Variants in DLGAP2 observed in about 807,000 individuals in gnomAD.
DLGAP2 encodes DLG associated protein 2, also known as disks large-associated protein 2.
In DLGAP2, 26 loss-of-function variants were observed where a neutral mutation model predicts 100.3. That is an observed-to-expected ratio of 0.26 (90% CI 0.19 to 0.36). DLGAP2 has a LOEUF of 0.36. Among genes scored for constraint, DLGAP2 ranks in the 10% least tolerant of loss-of-function variants. The pLI is 1.00. For missense variants in DLGAP2, 1,858 were observed against 1,453.2 expected, an observed-to-expected ratio of 1.28 and a Z score of -4.53; for synonymous variants, 886 against 630.1, an observed-to-expected ratio of 1.41 and a Z score of -6.08.
chr8:1,358,677 A>G (rs1801909679), intron 3 of DLGAP2, among the ~76,000 whole-genome samples: 1 of 152,104 alleles, frequency 6.6e-6, no homozygotes, highest in Non-Finnish European at 1.5e-5. Flanking sequence ...TGATGGGCAA[A>G]GTGTCTTTAG....
chr8:1,164,791 T>C (rs552545442), intron 2 of DLGAP2, among the ~76,000 whole-genome samples: 5 of 152,308 alleles, frequency 3.3e-5, no homozygotes, highest in African/African-American at 1.2e-4. Context: ...AGCTTCCGAC[T>C]GCTGCGTGTG....
intron 3 of DLGAP2, among the ~76,000 whole-genome samples, chr8:1,418,687 C>G (rs1249548846): frequency 1.3e-5 from 2 of 152,160 alleles, no homozygotes; most frequent in Admixed American, 6.5e-5. Flanking sequence ...ATACTTCTGG[C>G]CACCAAATGT....
intron 3 of DLGAP2, among the ~76,000 whole-genome samples, chr8:1,383,050 C>T (rs921823262): frequency 6.6e-5 from 10 of 152,146 alleles, no homozygotes; most frequent in African/African-American, 2.4e-4. Flanking sequence ...ATCGAAGGAT[C>T]TTTGGACGTA....
chr8:1,591,970 G>T (rs1007573727), intron 6 of DLGAP2, among the ~76,000 whole-genome samples: 2 of 152,200 alleles, frequency 1.3e-5, no homozygotes, highest in Non-Finnish European at 2.9e-5. Context: ...ACAGGCCTTG[G>T]AAATCCGAGC....
intron 1 of DLGAP2, among the ~76,000 whole-genome samples, chr8:797,078 A>G (rs1343091669): frequency 6.6e-6 from 1 of 152,186 alleles, no homozygotes; most frequent in African/African-American, 2.4e-5. Flanking sequence ...TTTATTAAGG[A>G]GTAACTTTTA....
rs923068092 is a variant in DLGAP2 at position 1,558,005 on chromosome 8, C to G, written c.1231-7678C>G. On this transcript the variant is annotated intron_variant, in intron 5 of 14. Coordinates refer to ENST00000637795, the MANE Select transcript of DLGAP2 (RefSeq NM_001346810.2). ...GGGTGTGGGGAAGGCAGCTTTCTCC[C>G]GCTGAATGGCTGAGGGCATGCCCTG... Among the ~76,000 whole-genome samples the G allele has an allele frequency of 5.3e-5, 8 of 152,218 alleles. No homozygotes were observed. The East Asian group carries it at 1.5e-3, about 29-fold the overall frequency.
intron 2 of DLGAP2, among the ~76,000 whole-genome samples, chr8:1,031,213 A>G (rs1204760896): frequency 1.3e-5 from 2 of 152,022 alleles, no homozygotes; most frequent in Non-Finnish European, 2.9e-5. Context: ...TTATGGAAGA[A>G]TCCCAGGGTG....
In DLGAP2 at chr8:1,137,163, C is replaced by G. The variant is rs1265175911; in HGVS notation, c.74-121688C>G. 2 of 152,394 alleles carry G rather than the reference C, an allele frequency of 1.3e-5. 1 individual carries two copies. The highest frequency in any genetic ancestry group is 2.9e-5 in the Non-Finnish European group (2 of 68,182). The allele number at this position is 152,394 out of a possible 1,614,324, so 9.4% of individuals were successfully genotyped here. A position where few individuals can be genotyped will look rare whatever the true frequency, so the allele number is the denominator to read the frequency against. ...GTGGCCTCCTCCTTGTGGCCTCCTC[C>G]CTGTGTGCCGGGGCCTCCCCTCTGT... On this transcript the variant is annotated intron_variant, in intron 2 of 14. Coordinates refer to ENST00000637795, the MANE Select transcript of DLGAP2 (RefSeq NM_001346810.2).
intron 1 of DLGAP2, among the ~76,000 whole-genome samples, chr8:820,379 G>T (rs1796561641): frequency 1.3e-5 from 2 of 152,228 alleles, no homozygotes; most frequent in South Asian, 4.1e-4. Flanking sequence ...CTAAACTGTT[G>T]AAAGATATCA....
At chr8:1,355,396 G>A (rs550493253) in intron 3 of DLGAP2, among the ~76,000 whole-genome samples, 1 of 151,982 alleles carries the variant, frequency 6.6e-6, no homozygotes, top group Non-Finnish European at 1.5e-5. Flanking sequence ...ATGGAGTCTC[G>A]CTCTGTCACC....
intron 8 of DLGAP2, among the ~76,000 whole-genome samples, 184 bp downstream of exon 8, chr8:1,633,230 C>A (rs1030245193): frequency 6.6e-6 from 1 of 152,144 alleles, no homozygotes; most frequent in African/African-American, 2.4e-5. Context: ...TTGTAGATAA[C>A]CTTTCTTTTT....
At chr8:1,538,754 A>C (rs1260362408) in intron 4 of DLGAP2, among the ~76,000 whole-genome samples, 1 of 152,102 alleles carries the variant, frequency 6.6e-6, no homozygotes, top group Non-Finnish European at 1.5e-5. Flanking sequence ...CCCTCCCCGC[A>C]GCGTGGCCAC....
At chr8:956,256 A>C (rs924496926) in intron 2 of DLGAP2, among the ~76,000 whole-genome samples, 1 of 152,198 alleles carries the variant, frequency 6.6e-6, no homozygotes, top group Non-Finnish European at 1.5e-5. Context: ...ACAGCGTCTG[A>C]AGACTTGCAG....
At chr8:1,029,942 G>T (rs1426155749) in intron 2 of DLGAP2, among the ~76,000 whole-genome samples, 2 of 152,180 alleles carry the variant, frequency 1.3e-5, no homozygotes, top group African/African-American at 2.4e-5. Context: ...TGTGGTTGGT[G>T]CAGAGACCCG....
intron 6 of DLGAP2, among the ~76,000 whole-genome samples, chr8:1,601,014 A>G (rs972175267): frequency 1.3e-5 from 2 of 152,162 alleles, no homozygotes; most frequent in African/African-American, 2.4e-5. Flanking sequence ...GGATTTATCT[A>G]TCTTTGTTCT....
rs193224883 is a variant in DLGAP2, at chr8:1,313,959, C to T, written c.106+55076C>T. Among the ~76,000 whole-genome samples, 211 of 152,216 alleles carry T rather than the reference C, an allele frequency of 1.4e-3. 4 individuals carry two copies. The highest frequency in any genetic ancestry group is 2.2e-4 in the Non-Finnish European group (15 of 68,010). On this transcript the variant is annotated intron_variant, in intron 3 of 14. Transcript: ENST00000637795. Reference sequence around the variant, plus strand: ...ATGATCACACTTCAGTATTGGTTATCAGATTTTTAAAATTACAATATTTCA... The same window carrying T: ...ATGATCACACTTCAGTATTGGTTATTAGATTTTTAAAATTACAATATTTCA...
chr8:883,740 C>T (rs1481323716), intron 1 of DLGAP2, among the ~76,000 whole-genome samples: 1 of 152,204 alleles, frequency 6.6e-6, no homozygotes, highest in Non-Finnish European at 1.5e-5. Flanking sequence ...AGCGCGGGTG[C>T]TGTGGTGGTT....
At chr8:1,285,014 T>A (rs1445209687) in intron 3 of DLGAP2, among the ~76,000 whole-genome samples, 1 of 152,208 alleles carries the variant, frequency 6.6e-6, no homozygotes, top group Non-Finnish European at 1.5e-5. Flanking sequence ...CCCGATTTAT[T>A]TCCCTTGCTT....
At chr8:1,695,399 C>T (rs1458989890) in intron 13 of DLGAP2, among the ~76,000 whole-genome samples, 23 of 141,736 alleles carry the variant, frequency 1.6e-4, no homozygotes, top group African/African-American at 6.2e-4. Context: ...CACAGCCTTA[C>T]CCGGCCCTAC....
Sources: allele counts gnomAD v4.1 joint callset (sites outside exome capture counted in the v4.1 genomes callset), GRCh38; gene constraint gnomAD v4.1.1; transcripts MANE v1.5; gene names NCBI Gene and HGNC (gene_info 2026-07-23, HGNC 2026-07-21).